The following PRRC1 variants were observed in gnomAD, a reference collection of about 807,000 sequenced individuals.
PRRC1 encodes protein PRRC1.
Under a neutral mutation model 40.7 loss-of-function variants are expected in PRRC1, and 39 were observed. That is an observed-to-expected ratio of 0.96 (90% CI 0.74 to 1.25). The LOEUF (loss-of-function observed/expected upper bound fraction) is 1.25. PRRC1 is among the 50% of genes most tolerant of loss of function. The pLI, the probability that PRRC1 is intolerant of heterozygous loss-of-function variation, is 0.00. For synonymous variants in PRRC1, 175 were observed against 193.3 expected (o/e 0.91, Z 0.79); for missense variants, 573 against 548.3 (o/e 1.05, Z -0.45).
chr5:127,539,194 T>C (rs996166282), intron 7 of PRRC1, 51 bp downstream of exon 7: 5 of 1,392,132 alleles, frequency 3.6e-6, no homozygotes, highest in South Asian at 3.5e-5. Context: ...GGTCTGGGAG[T>C]TGACACTGAA....
rs145719480 is a variant in PRRC1 at position 127,552,608 on chromosome 5, A to AT, written c.*698dup. On this transcript the variant is annotated 3_prime_UTR_variant, in exon 9 of 9. Coordinates refer to ENST00000296666, the MANE Select transcript of PRRC1 (RefSeq NM_130809.5). ...TATGAACATTGGGGTAATACATTTTATTTTTTCATTGCTATATGACAGCTA... is the reference window on the plus strand; with the variant it reads ...TATGAACATTGGGGTAATACATTTTATTTTTTTCATTGCTATATGACAGCTA... 298 of 980,616 alleles carry AT rather than the reference A, an allele frequency of 3.0e-4. 4 individuals are homozygous for AT. The East Asian group carries it at 0.03, about 100-fold the overall frequency. The allele number at this position is 980,616 out of a possible 1,614,324, so 60.7% of individuals were successfully genotyped here.
intron 7 of PRRC1, among the ~76,000 whole-genome samples, chr5:127,542,112 T>C (rs1051044997): frequency 2.6e-5 from 4 of 152,230 alleles, no homozygotes; most frequent in African/African-American, 9.6e-5. Context: ...TCTTTATTTC[T>C]GCCTTCATTT....
chr5:127,523,395 T>G, intron 1 of PRRC1, 65 bp from the exon 2 acceptor site: 2 of 699,828 alleles, frequency 2.9e-6, no homozygotes, highest in Non-Finnish European at 4.5e-6. Context: ...TCGTTCTCTA[T>G]TCAAGCTTTA....
chr5:127,525,077 C>T (rs1407816585), intron 3 of PRRC1, among the ~76,000 whole-genome samples, 157 bp downstream of exon 3: 2 of 152,030 alleles, frequency 1.3e-5, no homozygotes. Context: ...ATTGTGCATC[C>T]CTTGTCGCAA....
At chr5:127,527,839 G>A (rs565455280) in intron 4 of PRRC1, among the ~76,000 whole-genome samples, 62 of 149,400 alleles carry the variant, frequency 4.1e-4, no homozygotes, top group African/African-American at 1.3e-3. Context: ...TTTTTCCTCC[G>A]AATTAATTCC....
At chr5:127,530,427 A>ATT (rs757721592) in intron 5 of PRRC1, 31 bp downstream of exon 5, 99 of 1,333,668 alleles carry the variant, frequency 7.4e-5, no homozygotes, top group South Asian at 1.5e-4. Context: ...GGTATCTGCC[A>ATT]TTTTTTTTTT....
At chr5:127,539,753 A>G (rs539711026) in intron 7 of PRRC1, among the ~76,000 whole-genome samples, 6 of 152,222 alleles carry the variant, frequency 3.9e-5, no homozygotes, top group African/African-American at 1.4e-4. Context: ...TTGAATAACA[A>G]TGGGCATAGC....
intron 7 of PRRC1, among the ~76,000 whole-genome samples, chr5:127,539,948 CA>C (rs1433086490): frequency 6.6e-6 from 1 of 151,966 alleles, no homozygotes; most frequent in African/African-American, 2.4e-5. Flanking sequence ...GAGATAGTGT[CA>C]GGTGAAATTC....
In PRRC1 at chr5:127,524,677, C is replaced by A. The variant is rs780266787; in HGVS notation, c.250C>A (p.Pro84Thr). The A allele has an allele frequency of 6.2e-7, 1 of 1,614,156 alleles. No individual in the cohort carries two copies. Reference protein sequence around the residue: ...FVPPPAVPSVPPLVTSMPPPV... With the variant: ...FVPPPAVPSVTPLVTSMPPPV... ...GCCTCCTCCTGCAGTTCCTTCTGTC[C>A]CACCACTTGTTACTTCTATGCCACC... Residue 84 changes from proline (P) to threonine (T), a missense_variant, in exon 3 of 9, where the codon CCA becomes ACA. Transcript: ENST00000296666.
chr5:127,529,345 G>C (rs547877176), intron 4 of PRRC1, among the ~76,000 whole-genome samples: 4 of 151,852 alleles, frequency 2.6e-5, no homozygotes, highest in Non-Finnish European at 5.9e-5. Flanking sequence ...ATACCCCTCT[G>C]TACTTTTTTA....
chr5:127,548,712 G>A (rs1163316500), intron 8 of PRRC1: 2 of 152,010 alleles, frequency 1.3e-5, no homozygotes, highest in African/African-American at 4.8e-5. Context: ...CAAGAAAAAT[G>A]CGTGTATGTG....
Position 127,526,681 on chromosome 5 carries a change from C to A in PRRC1, c.557C>A (p.Thr186Asn). 6.2e-7 allele frequency: 1 copy of A among 1,613,594 alleles called. No individual in the cohort carries two copies. The highest frequency in any genetic ancestry group is 8.5e-7 in the Non-Finnish European group (1 of 1,179,712). The change falls in exon 4 of 9, where the codon ACC becomes AAC. Residue 186 changes from threonine (T) to asparagine (N), a missense_variant. By Grantham distance (65) the Thr-to-Asn change is moderately conservative (BLOSUM62 0). Coordinates refer to ENST00000296666, the MANE Select transcript of PRRC1 (RefSeq NM_130809.5). The part of the protein sequence containing the change: ...SLTSLAQGTG[T>N]TSAITFPEEQ... ...ACATCTCTGGCACAGGGAACTGGAA[C>A]CACATCAGCCATTACTTTCCCAGAG...
intron 8 of PRRC1, chr5:127,550,871 CG>C (rs2127120373): frequency 1.3e-5 from 2 of 152,272 alleles, no homozygotes; most frequent in East Asian, 3.9e-4. Flanking sequence ...AGCTATTTTA[CG>C]TACGTAATAC....
At chr5:127,541,596 G>C (rs1768048011) in intron 7 of PRRC1, among the ~76,000 whole-genome samples, 1 of 152,126 alleles carries the variant, frequency 6.6e-6, no homozygotes, top group Admixed American at 6.5e-5. Context: ...TCCTGGTTTA[G>C]TCTTGGGAGA....
intron 1 of PRRC1, among the ~76,000 whole-genome samples, chr5:127,519,357 G>A (rs1767399090): frequency 6.6e-6 from 1 of 152,178 alleles, no homozygotes; most frequent in South Asian, 2.1e-4. Context: ...TACGTTCACA[G>A]CCAAACTTTT....
At chr5:127,520,647 A>T (rs1420811788) in intron 1 of PRRC1, among the ~76,000 whole-genome samples, 5 of 152,212 alleles carry the variant, frequency 3.3e-5, no homozygotes. Context: ...GCCAGGGCTT[A>T]TGGTTGACGG....
intron 7 of PRRC1, among the ~76,000 whole-genome samples, chr5:127,543,826 C>T (rs1768127951): frequency 6.6e-6 from 1 of 152,216 alleles, no homozygotes; most frequent in Admixed American, 6.5e-5. Flanking sequence ...GAATTTCCTT[C>T]TGTAGCTCGG....
intron 7 of PRRC1, among the ~76,000 whole-genome samples, chr5:127,547,358 TTATTA>T (rs1166100481): frequency 7.2e-5 from 11 of 152,074 alleles, no homozygotes; most frequent in Non-Finnish European, 1.5e-5. Flanking sequence ...AGAGTATTTG[TTATTA>T]TTTCCTCTGA....
In PRRC1 at chr5:127,553,065, T is replaced by C; in HGVS notation, c.*1149T>C. ...TTTTTTTCTTAATACTGTTGGACTTTGTATATACAAGTTCAAATAACTTTT... is the reference window on the plus strand; with the variant it reads ...TTTTTTTCTTAATACTGTTGGACTTCGTATATACAAGTTCAAATAACTTTT... On this transcript the variant is annotated 3_prime_UTR_variant, in exon 9 of 9. Coordinates refer to ENST00000296666, the MANE Select transcript of PRRC1 (RefSeq NM_130809.5). 1 of 755,946 alleles carries C rather than the reference T, an allele frequency of 1.3e-6. No individual in the cohort carries two copies. Among genetic ancestry groups the C allele is most frequent in the Non-Finnish European group, 1.6e-6 (1 of 621,802 alleles). The allele number at this position is 755,946 out of a possible 1,614,324, so 46.8% of individuals were successfully genotyped here.
Sources: allele counts gnomAD v4.1 joint callset (sites outside exome capture counted in the v4.1 genomes callset), GRCh38; gene constraint gnomAD v4.1.1; transcripts MANE v1.5; gene names NCBI Gene and HGNC (gene_info 2026-07-23, HGNC 2026-07-21).